The following PHLDB2 variants were observed in gnomAD, a reference collection of about 807,000 sequenced individuals.
PHLDB2 encodes the protein pleckstrin homology like domain family B member 2.
A neutral mutation model predicts 123.6 loss-of-function variants in PHLDB2; 71 were observed. The ratio of observed to expected loss-of-function variants is 0.57; its 90% CI spans 0.47 to 0.70. PHLDB2 has a LOEUF of 0.70. Ranked by LOEUF, PHLDB2 falls within the 30% of genes least tolerant of loss-of-function variation. The pLI is 0.00. For missense variants in PHLDB2, 1,446 were observed against 1,519.5 expected, an observed-to-expected ratio of 0.95 and a Z score of 0.80; for synonymous variants, 547 against 541.6, an observed-to-expected ratio of 1.01 and a Z score of -0.14.
chr3:111,808,607 A>G (rs777425066), intron 1 of PHLDB2, among the ~76,000 whole-genome samples: 5 of 151,878 alleles, frequency 3.3e-5, no homozygotes, highest in Non-Finnish European at 7.4e-5. Flanking sequence ...TCACTCAGGT[A>G]GTGCAGAAAG....
intron 1 of PHLDB2, among the ~76,000 whole-genome samples, chr3:111,737,980 G>A (rs1559805346): frequency 6.6e-6 from 1 of 152,066 alleles, no homozygotes; most frequent in South Asian, 2.1e-4. Context: ...AGGAGAGGTC[G>A]GCCAGAAGAT....
chr3:111,792,296 C>T (rs2060960730), intron 1 of PHLDB2, among the ~76,000 whole-genome samples: 1 of 151,920 alleles, frequency 6.6e-6, no homozygotes, highest in Non-Finnish European at 1.5e-5. Context: ...TATATATATC[C>T]TTTCTTATAT....
At chr3:111,918,982 G>C in intron 3 of PHLDB2, 90 bp from the exon 4 acceptor site, 1 of 1,344,350 alleles carries the variant, frequency 7.4e-7, no homozygotes, top group Non-Finnish European at 1.1e-6. Flanking sequence ...GAGACTGTGA[G>C]ACCCTAGACC....
intron 2 of PHLDB2, among the ~76,000 whole-genome samples, chr3:111,895,873 C>CGTCT (rs1553746643): frequency 6.7e-6 from 1 of 148,606 alleles, no homozygotes; most frequent in African/African-American, 2.5e-5. Context: ...TCTATCTATC[C>CGTCT]ATCTATCTAT....
Position 111,884,142 on chromosome 3 carries a change from C to T in PHLDB2, c.65C>T (p.Ser22Phe), listed in dbSNP as rs1215017639. Residue 22 changes from serine (S) to phenylalanine (F), a missense_variant, in exon 2 of 18, where the codon TCT (serine) becomes TTT (phenylalanine). Ser to Phe is a radical substitution (Grantham distance 155). Coordinates refer to ENST00000431670, the MANE Select transcript of PHLDB2 (RefSeq NM_001134438.2). ...DLQNGSLEED[S>F]VVHSVENDSQ... is the part of the protein sequence containing the mutation. ...CAAAATGGTAGCTTAGAGGAAGACT[C>T]TGTGGTGCATTCTGTTGAGAACGAT... 6 of 1,614,142 alleles carry T rather than the reference C, an allele frequency of 3.7e-6. No homozygotes were observed. In the South Asian group the frequency reaches 6.6e-5, roughly 18 times the overall value.
intron 1 of PHLDB2, among the ~76,000 whole-genome samples, chr3:111,776,528 A>G (rs557407159): frequency 5.3e-5 from 8 of 152,236 alleles, no homozygotes; most frequent in Non-Finnish European, 7.4e-5. Context: ...AGCATCCTGG[A>G]AAGTTTAGCT....
intron 16 of PHLDB2, among the ~76,000 whole-genome samples, chr3:111,971,953 G>C (rs190767653): frequency 2.5e-4 from 38 of 152,250 alleles, no homozygotes; most frequent in African/African-American, 8.4e-4. Context: ...ATAATACTGA[G>C]AGAGACAGAA....
At chr3:111,790,345 A>G (rs1426413275) in intron 1 of PHLDB2, among the ~76,000 whole-genome samples, 2 of 152,168 alleles carry the variant, frequency 1.3e-5, no homozygotes, top group African/African-American at 4.8e-5. Context: ...TGACCACAAA[A>G]GTTTACTCCA....
exon 2 of PHLDB2, chr3:111,845,927 A>G (rs756243624): frequency 1.2e-6 from 2 of 1,613,836 alleles, no homozygotes; most frequent in Non-Finnish European, 1.7e-6. Flanking sequence ...GGTGATGTGC[A>G]ACATTTCGGT....
chr3:111,741,142 A>C (rs1225694500), intron 1 of PHLDB2, among the ~76,000 whole-genome samples: 1 of 152,212 alleles, frequency 6.6e-6, no homozygotes, highest in Non-Finnish European at 1.5e-5. Context: ...GCTTTCTAGC[A>C]GGAGAAAAAG....
At chr3:111,895,287 A>G (rs1010615712) in intron 2 of PHLDB2, among the ~76,000 whole-genome samples, 4 of 152,220 alleles carry the variant, frequency 2.6e-5, no homozygotes, top group Non-Finnish European at 5.9e-5. Context: ...GGTGCCATGC[A>G]TTAAAGAATT....
chr3:111,880,287 C>T (rs529356368), intron 1 of PHLDB2, among the ~76,000 whole-genome samples: 1 of 152,218 alleles, frequency 6.6e-6, no homozygotes, highest in African/African-American at 2.4e-5. Flanking sequence ...ACCCCCTGAT[C>T]TAAAGGCAGA....
Position 111,932,326 on chromosome 3 carries a change from T to G in PHLDB2, c.2059T>G (p.Ser687Ala), listed in dbSNP as rs1487017597. 2 of 1,551,626 alleles carry G rather than the reference T, an allele frequency of 1.3e-6. No individual in the cohort carries two copies. The highest frequency in any genetic ancestry group is 3.9e-5 in the Admixed American group (2 of 50,992). The change falls in exon 6 of 18, where the codon TCC (serine) becomes GCC (alanine). Residue 687 changes from serine (S) to alanine (A), a missense_variant. By Grantham distance (99) the Ser-to-Ala change is moderately conservative. Around this residue, in one of 3 missense-constraint regions of PHLDB2, gnomAD observed 832 missense variants for 831.9 expected, o/e 1.00. Transcript: ENST00000431670. ...ACTAGAGAGGCTTCAGGAGCTTTAC[T>G]CCGAGCAGAAGACCCAGCTGGACAA... The part of the protein sequence containing the change: ...EKLERLQELY[S>A]EQKTQLDNCP...
At position 111,851,369 on chromosome 3, in the gene PHLDB2, AGT is replaced by A. The variant is rs1226791977; in HGVS notation, c.67+5436_67+5437del. On this transcript the variant is annotated intron_variant, in intron 2 of 17. Transcript: ENST00000393923. ...GTTGTCACTGAATTTCTAGTCCATC[AGT>A]GACCCAACAGCCAAAATGGGCCTGC... Among the ~76,000 whole-genome samples the A allele has an allele frequency of 5.3e-5, 8 of 152,282 alleles. No homozygotes were observed. In the South Asian group the frequency reaches 1.7e-3, roughly 32 times the overall value.
chr3:111,904,989 T>C (rs1334553105), intron 2 of PHLDB2, among the ~76,000 whole-genome samples: 1 of 152,212 alleles, frequency 6.6e-6, no homozygotes, highest in African/African-American at 2.4e-5. Context: ...AAAAGTGTAT[T>C]ATGAAAGAGA....
chr3:111,757,382 G>A (rs62273778), intron 1 of PHLDB2, among the ~76,000 whole-genome samples: 13,211 of 151,996 alleles, frequency 0.087, 824 homozygotes, highest in Middle Eastern at 0.2. Flanking sequence ...TTCCCTTCTC[G>A]CTTCATTTCA....
chr3:111,952,234 A>T (rs542810812), intron 10 of PHLDB2, among the ~76,000 whole-genome samples: 1 of 152,138 alleles, frequency 6.6e-6, no homozygotes, highest in Admixed American at 6.5e-5. Context: ...AAGGGGAGAA[A>T]GTGCTTACGT....
intron 3 of PHLDB2, chr3:111,915,799 G>C (rs1011915989): frequency 6.6e-6 from 1 of 152,168 alleles, no homozygotes. Context: ...TTCTGAACAG[G>C]ACATCTGTTT....
intron 1 of PHLDB2, among the ~76,000 whole-genome samples, chr3:111,797,413 T>G (rs2061206261): frequency 2.0e-5 from 3 of 152,220 alleles, no homozygotes; most frequent in Admixed American, 2.0e-4. Context: ...CTCACTTTCC[T>G]AATTCTTATC....
Sources: gnomAD v4.1 joint callset for allele counts (sites outside exome capture counted in the v4.1 genomes callset) on GRCh38, gnomAD v4.1.1 for gene constraint, gnomAD v4.1.1 regional missense constraint, MANE v1.5 for transcripts, NCBI Gene and HGNC (gene_info 2026-07-23, HGNC 2026-07-21) for gene names.